The following NCKAP1 variants were observed in gnomAD, a reference collection of about 807,000 sequenced individuals.
The protein encoded by NCKAP1 is nck-associated protein 1.
A neutral mutation model predicts 151.2 loss-of-function variants in NCKAP1; 21 were observed. The ratio of observed to expected loss-of-function variants is 0.14; its 90% CI spans 0.10 to 0.20. The LOEUF is 0.20. NCKAP1 is among the 10% of genes least tolerant of loss of function. The pLI, the probability that NCKAP1 is intolerant of heterozygous loss-of-function variation, is 1.00. For missense variants in NCKAP1, 933 were observed against 1,352.1 expected, an observed-to-expected ratio of 0.69 and a Z score of 4.86; for synonymous variants, 484 against 451.8, an observed-to-expected ratio of 1.07 and a Z score of -0.90.
intron 2 of NCKAP1, among the ~76,000 whole-genome samples, chr2:183,016,342 C>A (rs1202866486): frequency 6.6e-6 from 1 of 152,178 alleles, no homozygotes; most frequent in African/African-American, 2.4e-5. Flanking sequence ...CAAAGCAAGG[C>A]TTACTTGCAT....
At chr2:183,021,720 G>A (rs752921579) in intron 2 of NCKAP1, among the ~76,000 whole-genome samples, 2 of 152,134 alleles carry the variant, frequency 1.3e-5, no homozygotes, top group African/African-American at 2.4e-5. Flanking sequence ...CATTATTCCT[G>A]ATGAAATCTT....
chr2:183,037,871 G>C (rs972264432), intron 1 of NCKAP1, 121 bp downstream of exon 1: 6 of 706,888 alleles, frequency 8.5e-6, no homozygotes, highest in Non-Finnish European at 1.1e-5. Context: ...CGGGCCTCGG[G>C]CGGCGACGCC....
intron 25 of NCKAP1, 77 bp from the exon 26 acceptor site, chr2:182,934,909 ATTAAT>A: frequency 1.5e-6 from 1 of 672,272 alleles, no homozygotes; most frequent in Non-Finnish European, 2.4e-6. Flanking sequence ...TTACCAATTG[ATTAAT>A]TTTAGTTTTC....
In NCKAP1 at chr2:182,909,544, A is replaced by G. The variant is rs1696356076; in HGVS notation, c.*16158T>C. Reference sequence around the variant, plus strand: ...ATGTGTCAAAATTTCTTTCCTTTTTAAGGCTGAATAATATGCCACCGTACA... The same window carrying G: ...ATGTGTCAAAATTTCTTTCCTTTTTGAGGCTGAATAATATGCCACCGTACA... On this transcript the variant is annotated 3_prime_UTR_variant, in exon 31 of 31. Transcript: ENST00000361354. The G allele has an allele frequency of 1.3e-5, 2 of 152,262 alleles. No individual in the cohort carries two copies. Among genetic ancestry groups the G allele is most frequent in the South Asian group, 4.1e-4 (2 of 4,822 alleles). 9.4% of individuals were successfully genotyped at this position (152,262 alleles called of 1,614,324 possible).
chr2:182,978,935 T>C lies in NCKAP1; in HGVS notation c.1342-20A>G. 1 of 1,571,834 alleles carries C rather than the reference T, an allele frequency of 6.4e-7. No individual in the cohort carries two copies. The highest frequency in any genetic ancestry group is 8.7e-7 in the Non-Finnish European group (1 of 1,144,936). On this transcript the variant is annotated intron_variant, in intron 13 of 30. Transcript: ENST00000361354. ...AAGATTCTGAAAAACAAACAAAAAGTAACGTTAAAAACATCTATAGTTGGG... is the reference window on the plus strand; with the variant it reads ...AAGATTCTGAAAAACAAACAAAAAGCAACGTTAAAAACATCTATAGTTGGG...
chr2:182,939,542 T>C (rs1162725681), intron 24 of NCKAP1, among the ~76,000 whole-genome samples: 1 of 151,874 alleles, frequency 6.6e-6, no homozygotes, highest in Admixed American at 6.6e-5. Context: ...AATTTAAAAA[T>C]AAAAATAGAT....
intron 28 of NCKAP1, 23 bp from the exon 29 acceptor site, chr2:182,928,249 G>A (rs369708859): frequency 2.3e-5 from 35 of 1,520,354 alleles, no homozygotes; most frequent in Non-Finnish European, 3.1e-5. Flanking sequence ...AAATAGGGTT[G>A]TGTAGACCCC....
At chr2:183,024,476 T>C (rs1456928484) in intron 1 of NCKAP1, among the ~76,000 whole-genome samples, 2 of 152,210 alleles carry the variant, frequency 1.3e-5, no homozygotes, top group Admixed American at 6.6e-5. Flanking sequence ...TTTTCCATCA[T>C]ACCAGCAGCA....
chr2:183,009,180 C>T (rs1698538595), intron 2 of NCKAP1, among the ~76,000 whole-genome samples: 1 of 152,034 alleles, frequency 6.6e-6, no homozygotes, highest in African/African-American at 2.4e-5. Context: ...TCAAGACCAG[C>T]CTGGACAACA....
intron 26 of NCKAP1, 49 bp downstream of exon 26, chr2:182,934,703 A>G (rs772625277): frequency 1.1e-6 from 1 of 926,104 alleles, no homozygotes; most frequent in South Asian, 1.5e-5. Context: ...TGTAATTTAA[A>G]TATTTCGCTT....
rs553912121 is a variant in NCKAP1, at chr2:182,935,210, G to A, written c.2778+83C>T. On this transcript the variant is annotated intron_variant, in intron 25 of 30. Transcript: ENST00000361354. ...TTTTAATTATATCATTGCTAAGCATGAATCTGAAACTTAACTTTAAATTTC... is the reference window on the plus strand; with the variant it reads ...TTTTAATTATATCATTGCTAAGCATAAATCTGAAACTTAACTTTAAATTTC... The A allele has an allele frequency of 1.4e-5, 13 of 940,182 alleles. No homozygotes were observed. The African/African-American group carries it at 2.2e-4, about 16-fold the overall frequency. The allele number at this position is 940,182 out of a possible 1,614,324, so 58.2% of individuals were successfully genotyped here.
Position 182,964,820 on chromosome 2 carries a change from A to G in NCKAP1, c.1629-12T>C, listed in dbSNP as rs761312737. The G allele has an allele frequency of 1.3e-6, 2 of 1,576,944 alleles. No individual in the cohort carries two copies. The highest frequency in any genetic ancestry group is 1.7e-6 in the Non-Finnish European group (2 of 1,163,028). The stretch of plus-strand genomic sequence containing the variant: ...CACGACTATAAAAACTATATAAACA[A>G]AAATCAGAATCACAATTTTTACATT... On this transcript the variant is annotated splice_polypyrimidine_tract_variant and intron_variant, in intron 16 of 30. Transcript: ENST00000361354.
Position 182,910,959 on chromosome 2 carries a change from A to G in NCKAP1, c.*14743T>C, listed in dbSNP as rs5001802. ...AAATAAAATCCTAAGCTCCCCCCCC[A>G]CATTTGACTAAACAGACCCTCTCCT... On this transcript the variant is annotated 3_prime_UTR_variant, in exon 31 of 31. Transcript: ENST00000361354. 4.8e-5 allele frequency: 6 copies of G among 126,184 alleles called. No homozygotes were observed. The highest frequency in any genetic ancestry group is 2.5e-4 in the Admixed American group (3 of 11,996). The allele number at this position is 126,184 out of a possible 1,614,324, so 7.8% of individuals were successfully genotyped here. A position where few individuals can be genotyped will look rare whatever the true frequency, so the allele number is the denominator to read the frequency against.
In NCKAP1 at chr2:182,924,121, A is replaced by G. The variant is rs1480059172; in HGVS notation, c.*1581T>C. ...TTTCAGGTCTGAACTATGCCATTTT[A>G]AAATTTCCCTTTTTAAAAAATCTTT... On this transcript the variant is annotated 3_prime_UTR_variant, in exon 31 of 31. Transcript: ENST00000361354. 1.3e-5 allele frequency: 2 copies of G among 152,214 alleles called. No individual in the cohort carries two copies. The highest frequency in any genetic ancestry group is 2.9e-5 in the Non-Finnish European group (2 of 68,020). The allele number at this position is 152,214 out of a possible 1,614,324, so 9.4% of individuals were successfully genotyped here.
intron 15 of NCKAP1, among the ~76,000 whole-genome samples, chr2:182,969,741 G>T (rs1697647725): frequency 1.3e-5 from 2 of 151,834 alleles, no homozygotes; most frequent in Admixed American, 6.6e-5. Flanking sequence ...AACTAGAAAA[G>T]CAAGAATAAA....
At position 182,995,605 on chromosome 2, in the gene NCKAP1, A is replaced by G; in HGVS notation, c.741+96T>C. Reference sequence around the variant, plus strand: ...TATAATGAACTTCAACTAATAAGCTAATGCTAATTAGAAACAAACAGCAAC... The same window carrying G: ...TATAATGAACTTCAACTAATAAGCTGATGCTAATTAGAAACAAACAGCAAC... On this transcript the variant is annotated intron_variant, in intron 7 of 30. Transcript: ENST00000361354. 3.5e-6 allele frequency: 4 copies of G among 1,128,702 alleles called. No individual in the cohort carries two copies. In the South Asian group the frequency reaches 6.3e-5, roughly 18 times the overall value. The allele number at this position is 1,128,702 out of a possible 1,614,324, so 69.9% of individuals were successfully genotyped here.
At chr2:182,997,024 T>C (rs528492289) in intron 6 of NCKAP1, among the ~76,000 whole-genome samples, 1 of 152,320 alleles carries the variant, frequency 6.6e-6, no homozygotes, top group South Asian at 2.1e-4. Context: ...GATTTTCTAG[T>C]TTGTGTGTAC....
At chr2:182,956,763 G>A (rs1697336381) in intron 19 of NCKAP1, 170 bp from the exon 20 acceptor site, 2 of 592,268 alleles carry the variant, frequency 3.4e-6, no homozygotes, top group South Asian at 5.5e-5. Context: ...TAACACATAA[G>A]AGCAATATTC....
intron 2 of NCKAP1, among the ~76,000 whole-genome samples, chr2:183,005,700 A>C (rs567500867): frequency 9.2e-5 from 14 of 152,170 alleles, no homozygotes; most frequent in Non-Finnish European, 2.1e-4. Flanking sequence ...GGCCCTCCAC[A>C]ATCTGGCCCT....
Sources: allele counts gnomAD v4.1 joint callset (sites outside exome capture counted in the v4.1 genomes callset), GRCh38; gene constraint gnomAD v4.1.1; transcripts MANE v1.5; gene names NCBI Gene and HGNC (gene_info 2026-07-23, HGNC 2026-07-21).